NIPA1: variants seen among roughly 807,000 people sequenced by gnomAD.
The protein encoded by NIPA1 is NIPA magnesium transporter 1, also known as magnesium transporter NIPA1.
Under a neutral mutation model 23.9 loss-of-function variants are expected in NIPA1, and 13 were observed. The observed-to-expected ratio is 0.54, with a 90% CI of 0.35 to 0.87. The LOEUF (loss-of-function observed/expected upper bound fraction) is 0.87. NIPA1 is among the 40% of genes least tolerant of loss of function. The pLI, the probability that NIPA1 is intolerant of heterozygous loss-of-function variation, is 0.01. For missense variants in NIPA1, 362 were observed against 429.7 expected, an observed-to-expected ratio of 0.84 and a Z score of 1.39; for synonymous variants, 234 against 202.9, an observed-to-expected ratio of 1.15 and a Z score of -1.30.
At position 22,828,743 on chromosome 15, in the gene NIPA1, GGAT is replaced by G. The variant is rs953192145; in HGVS notation, c.*4506_*4508del. 13 of 152,600 alleles carry G rather than the reference GGAT, an allele frequency of 8.5e-5. 1 individual carries two copies. The highest frequency in any genetic ancestry group is 3.1e-4 in the African/African-American group (13 of 41,442). 9.5% of individuals were successfully genotyped at this position (152,600 alleles called of 1,614,324 possible). A position where few individuals can be genotyped will look rare whatever the true frequency, so the allele number is the denominator to read the frequency against. On this transcript the variant is annotated 3_prime_UTR_variant, in exon 5 of 5. Transcript: ENST00000337435. The stretch of plus-strand genomic sequence containing the variant: ...GGCCCAGAGCATGAGCCAGGGAGGA[GGAT>G]GTTTTTCTTCTTTTCTCTATTTTTC...
rs756620432 is a variant in NIPA1, at chr15:22,823,837, C to T, written c.588C>T (p.Ser196=). 2 of 1,614,172 alleles carry T rather than the reference C, an allele frequency of 1.2e-6. No homozygotes were observed. The highest frequency in any genetic ancestry group is 2.2e-5 in the South Asian group (2 of 91,084). The change falls in exon 5 of 5, where the codon TCC becomes TCT. Residue 196 remains serine, a synonymous_variant. Coordinates refer to ENST00000337435, the MANE Select transcript of NIPA1 (RefSeq NM_144599.5). ...TNIMVYISIC[S]LLGSFTVPST... Reference sequence around the variant, plus strand: ...TCATGGTCTACATCAGCATCTGCTCCTTGCTGGGCAGTTTCACCGTGCCTT... The same window carrying T: ...TCATGGTCTACATCAGCATCTGCTCTTTGCTGGGCAGTTTCACCGTGCCTT...
Position 22,786,773 on chromosome 15 carries a change from C to T in NIPA1, c.117C>T (p.Ser39=). The change falls in exon 1 of 5, where the codon AGC becomes AGT. Residue 39 remains serine, a synonymous_variant. Coordinates refer to ENST00000337435, the MANE Select transcript of NIPA1 (RefSeq NM_144599.5). Reference sequence around the variant, plus strand: ...GCCTGGGCGTGGCCGTCGTGTCGAGCCTGGTGAACGGGTCCACGTTCGTGC... The same window carrying T: ...GCCTGGGCGTGGCCGTCGTGTCGAGTCTGGTGAACGGGTCCACGTTCGTGC... ...SLGLGVAVVS[S]LVNGSTFVLQ... is the part of the protein sequence containing the mutation. 2.3e-6 allele frequency: 3 copies of T among 1,318,618 alleles called. No individual in the cohort carries two copies. The highest frequency in any genetic ancestry group is 3.0e-6 in the Non-Finnish European group (3 of 1,012,930). The allele number at this position is 1,318,618 out of a possible 1,614,324, so 81.7% of individuals were successfully genotyped here.
At chr15:22,800,957 T>C (rs2140857114) in intron 1 of NIPA1, among the ~76,000 whole-genome samples, 1 of 140,550 alleles carries the variant, frequency 7.1e-6, no homozygotes, top group African/African-American at 2.8e-5. Flanking sequence ...AAAAAAAAAA[T>C]TAGCCTGGTG....
intron 3 of NIPA1, 136 bp from the exon 4 acceptor site, chr15:22,820,177 A>G (rs1294292223): frequency 4.6e-6 from 3 of 652,028 alleles, no homozygotes; most frequent in East Asian, 5.7e-5. Context: ...AGCCTGGGCA[A>G]CAGAGTGGGA....
chr15:22,825,140 C>T lies in NIPA1; in HGVS notation c.*901C>T, dbSNP rs1895623339. The stretch of plus-strand genomic sequence containing the variant: ...TGCACTTATACAAACCTAGATGGGA[C>T]ACCTATGACCCACCCAGGCCAGATG... On this transcript the variant is annotated 3_prime_UTR_variant, in exon 5 of 5. Transcript: ENST00000337435. 1 of 152,152 alleles carries T rather than the reference C, an allele frequency of 6.6e-6. No individual in the cohort carries two copies. The highest frequency in any genetic ancestry group is 2.4e-5 in the African/African-American group (1 of 41,428). The allele number at this position is 152,152 out of a possible 1,614,324, so 9.4% of individuals were successfully genotyped here.
At position 22,786,734 on chromosome 15, in the gene NIPA1, C is replaced by T; in HGVS notation, c.78C>T (p.Ala26=). 3 of 1,263,940 alleles carry T rather than the reference C, an allele frequency of 2.4e-6. 1 individual carries two copies. In the South Asian group the frequency reaches 5.4e-5, roughly 23 times the overall value. The allele number at this position is 1,263,940 out of a possible 1,614,324, so 78.3% of individuals were successfully genotyped here. A position where few individuals can be genotyped will look rare whatever the true frequency, so the allele number is the denominator to read the frequency against. The change falls in exon 1 of 5, where the codon GCC becomes GCT. Residue 26 remains alanine (A), a synonymous_variant. Coordinates refer to ENST00000337435, the MANE Select transcript of NIPA1 (RefSeq NM_144599.5). ...AGGGGGCGCGTAGCCCGAGCCCCGC[C>T]GCCGTGTCGCTCGGCCTGGGCGTGG... The part of the protein sequence containing the change: ...AGEGARSPSP[A]AVSLGLGVAV...
At chr15:22,787,045 TCA>T (rs1383027602) in intron 1 of NIPA1, among the ~76,000 whole-genome samples, 1 of 151,738 alleles carries the variant, frequency 6.6e-6, no homozygotes, top group African/African-American at 2.4e-5. Flanking sequence ...GGCCCAGGAA[TCA>T]CAGGTGCGTC....
rs533536822 is a variant in NIPA1 at position 22,826,278 on chromosome 15, T to G, written c.*2039T>G. 1 of 89,496 alleles carries G rather than the reference T, an allele frequency of 1.1e-5. No individual in the cohort carries two copies. Among genetic ancestry groups the G allele is most frequent in the South Asian group, 6.6e-4 (1 of 1,524 alleles). The allele number at this position is 89,496 out of a possible 1,614,324, so 5.5% of individuals were successfully genotyped here. On this transcript the variant is annotated 3_prime_UTR_variant, in exon 5 of 5. Transcript: ENST00000337435. Reference sequence around the variant, plus strand: ...TGAGAGCAGCAACAACATTATTTTTTAAAAATCTTAAATCCTCTCAATGGA... The same window carrying G: ...TGAGAGCAGCAACAACATTATTTTTGAAAAATCTTAAATCCTCTCAATGGA...
intron 3 of NIPA1, among the ~76,000 whole-genome samples, chr15:22,813,905 C>A (rs920699880): frequency 2.6e-5 from 4 of 152,160 alleles, no homozygotes; most frequent in Admixed American, 6.5e-5. Context: ...CTTCTGTGAC[C>A]CGTCCCCCTG....
chr15:22,798,835 C>CAAAAAAAA (rs1206327395), intron 1 of NIPA1, among the ~76,000 whole-genome samples: 3 of 73,108 alleles, frequency 4.1e-5, no homozygotes, highest in East Asian at 4.4e-4. Context: ...GACTCCGTCT[C>CAAAAAAAA]AAAAAAAAAA....
At chr15:22,809,855 C>T (rs902460909) in intron 1 of NIPA1, among the ~76,000 whole-genome samples, 3 of 151,910 alleles carry the variant, frequency 2.0e-5, no homozygotes, top group Non-Finnish European at 4.4e-5. Context: ...GCCTGACCAA[C>T]GTGGAGAAAC....
intron 3 of NIPA1, among the ~76,000 whole-genome samples, chr15:22,814,320 C>T (rs890296309): frequency 6.6e-5 from 10 of 151,214 alleles, no homozygotes; most frequent in Admixed American, 4.0e-4. Flanking sequence ...TGCAGTGGCA[C>T]GATCTCGGCT....
In NIPA1 at chr15:22,823,943, G is replaced by A. The variant is rs1471282432; in HGVS notation, c.694G>A (p.Val232Ile). The change falls in exon 5 of 5, where the codon GTA becomes ATA. Residue 232 changes from valine to isoleucine, a missense_variant. Val to Ile is a conservative substitution (Grantham distance 29, BLOSUM62 3). Around this residue, in one of 2 missense-constraint regions of NIPA1, gnomAD observed 277 missense variants for 372.0 expected, o/e 0.74. Transcript: ENST00000337435. ...TCAGAGAGCCCTCTGCCTGTGCCTG[G>A]TACTCCTGGCCGTGCTCGGCTGCAG... ...SSQRALCLCL[V>I]LLAVLGCSII... 1 of 1,614,166 alleles carries A rather than the reference G, an allele frequency of 6.2e-7. No individual in the cohort carries two copies. Among genetic ancestry groups the A allele is most frequent in the Non-Finnish European group, 8.5e-7 (1 of 1,180,018 alleles).
intron 1 of NIPA1, among the ~76,000 whole-genome samples, chr15:22,789,614 G>T (rs1219262906): frequency 3.3e-5 from 5 of 152,172 alleles, no homozygotes; most frequent in Non-Finnish European, 7.4e-5. Context: ...GCCGAAGAAG[G>T]CGAGGGAGGC....
In NIPA1 at chr15:22,805,984, C is replaced by T. The variant is rs543485695; in HGVS notation, c.179-4765C>T. Among the ~76,000 whole-genome samples the T allele has an allele frequency of 1.8e-4, 28 of 152,060 alleles. No individual in the cohort carries two copies. The South Asian group carries it at 3.3e-3, about 18-fold the overall frequency. On this transcript the variant is annotated intron_variant, in intron 1 of 4. Coordinates refer to ENST00000337435, the MANE Select transcript of NIPA1 (RefSeq NM_144599.5). ...TGTCGCCCAGGCTGGAGTGCAGTGGCGCGATCTCGGCTCACTGCAAGCTCC... is the reference window on the plus strand; with the variant it reads ...TGTCGCCCAGGCTGGAGTGCAGTGGTGCGATCTCGGCTCACTGCAAGCTCC...
chr15:22,796,658 A>C (rs1178125408), intron 1 of NIPA1, among the ~76,000 whole-genome samples: 4 of 151,996 alleles, frequency 2.6e-5, no homozygotes, highest in African/African-American at 9.7e-5. Context: ...TTTTGTTTTA[A>C]CCATGAGGGA....
chr15:22,807,962 AT>A (rs955416345), intron 1 of NIPA1, among the ~76,000 whole-genome samples: 5 of 150,792 alleles, frequency 3.3e-5, no homozygotes, highest in African/African-American at 1.2e-4. Flanking sequence ...TTTTTTTTGT[AT>A]TTTTTTTAGT....
At chr15:22,798,174 C>G (rs913646929) in intron 1 of NIPA1, among the ~76,000 whole-genome samples, 1 of 151,538 alleles carries the variant, frequency 6.6e-6, no homozygotes, top group Non-Finnish European at 1.5e-5. Context: ...TGAAAAAATC[C>G]TATGCACAAA....
intron 1 of NIPA1, among the ~76,000 whole-genome samples, 171 bp downstream of exon 1, chr15:22,787,005 C>A (rs568316143): frequency 6.6e-6 from 1 of 151,792 alleles, no homozygotes; most frequent in Non-Finnish European, 1.5e-5. Context: ...CCCAGGCTGC[C>A]GCCGCGTCCT....
Sources: gnomAD v4.1 joint callset for allele counts (sites outside exome capture counted in the v4.1 genomes callset) on GRCh38, gnomAD v4.1.1 for gene constraint, gnomAD v4.1.1 regional missense constraint, MANE v1.5 for transcripts, NCBI Gene and HGNC (gene_info 2026-07-23, HGNC 2026-07-21) for gene names.